The following AGBL4 variants were observed in gnomAD, a reference collection of about 807,000 sequenced individuals.
AGBL4 encodes cytosolic carboxypeptidase 6.
AGBL4 carries 58 observed loss-of-function variants against 66.4 expected under a neutral mutation model. The observed-to-expected ratio is 0.87, with a 90% CI of 0.71 to 1.09. The LOEUF (loss-of-function observed/expected upper bound fraction) is 1.09, where lower values mean the gene tolerates loss of function less well. Among genes scored for constraint, AGBL4 ranks in the 50% least tolerant of loss-of-function variants. The pLI, the probability that AGBL4 is intolerant of heterozygous loss-of-function variation, is 0.00. For synonymous variants in AGBL4, 234 were observed against 222.9 expected, an observed-to-expected ratio of 1.05 and a Z score of -0.44; for missense variants, 579 against 631.0, an observed-to-expected ratio of 0.92 and a Z score of 0.88.
At chr1:49,434,023 GA>G (rs1454417050) in intron 3 of AGBL4, among the ~76,000 whole-genome samples, 1 of 152,174 alleles carries the variant, frequency 6.6e-6, no homozygotes, top group African/African-American at 2.4e-5. Flanking sequence ...CCTATTGTGT[GA>G]GGATCGTGCT....
chr1:49,963,151 A>G (rs1369183883), intron 1 of AGBL4, among the ~76,000 whole-genome samples: 1 of 152,198 alleles, frequency 6.6e-6, no homozygotes, highest in Non-Finnish European at 1.5e-5. Context: ...TATAACAAGT[A>G]ACAAAAATAA....
At chr1:49,159,960 T>C (rs1163089891) in intron 4 of AGBL4, among the ~76,000 whole-genome samples, 1 of 152,176 alleles carries the variant, frequency 6.6e-6, no homozygotes, top group Non-Finnish European at 1.5e-5. Context: ...GTTTGCAATT[T>C]GTCTAACCTC....
intron 3 of AGBL4, among the ~76,000 whole-genome samples, chr1:49,323,736 T>C (rs1156709273): frequency 6.7e-6 from 1 of 148,716 alleles, no homozygotes; most frequent in East Asian, 2.0e-4. Context: ...ACCACTGCAC[T>C]CCAGCCTGGG....
At chr1:48,716,287 C>G (rs1460359518) in intron 6 of AGBL4, among the ~76,000 whole-genome samples, 1 of 152,072 alleles carries the variant, frequency 6.6e-6, no homozygotes, top group Admixed American at 6.5e-5. Flanking sequence ...CTCTGACTTC[C>G]CAGTCCATGA....
intron 5 of AGBL4, among the ~76,000 whole-genome samples, chr1:48,989,054 C>T (rs1204328127): frequency 1.3e-5 from 2 of 152,118 alleles, no homozygotes; most frequent in African/African-American, 4.8e-5. Flanking sequence ...GGTAGAGGCT[C>T]AGAGAACAGC....
At chr1:48,620,524 A>G (rs1222619056) in intron 9 of AGBL4, among the ~76,000 whole-genome samples, 3 of 152,022 alleles carry the variant, frequency 2.0e-5, no homozygotes, top group African/African-American at 4.8e-5. Context: ...GGGTCTCCCA[A>G]AGTGCTGGGA....
chr1:49,514,065 A>G (rs928377860), intron 3 of AGBL4, among the ~76,000 whole-genome samples: 1 of 151,868 alleles, frequency 6.6e-6, no homozygotes, highest in Non-Finnish European at 1.5e-5. Context: ...TTGTACATTG[A>G]TTTTGTATCC....
At chr1:48,539,605 A>C (rs1484996850) in intron 12 of AGBL4, 37 bp downstream of exon 12, 20 of 1,477,474 alleles carry the variant, frequency 1.4e-5, no homozygotes, top group Non-Finnish European at 1.7e-5. Context: ...CCCGTGGAGC[A>C]GAACTCAAGC....
chr1:49,376,575 C>T (rs1373919737), intron 3 of AGBL4, among the ~76,000 whole-genome samples: 1 of 152,038 alleles, frequency 6.6e-6, no homozygotes, highest in Middle Eastern at 3.2e-3. Context: ...TCCTTCATCC[C>T]TGATGATTCT....
At chr1:49,576,632 T>G (rs1200898869) in intron 3 of AGBL4, among the ~76,000 whole-genome samples, 1 of 152,218 alleles carries the variant, frequency 6.6e-6, no homozygotes, top group South Asian at 2.1e-4. Flanking sequence ...AAGTGGGTCA[T>G]GCACAGCAGC....
intron 1 of AGBL4, among the ~76,000 whole-genome samples, chr1:49,901,365 T>C (rs1426316641): frequency 4.6e-5 from 7 of 152,224 alleles, no homozygotes; most frequent in African/African-American, 1.7e-4. Flanking sequence ...AAAAACAATA[T>C]ACAAAAATCA....
chr1:49,860,416 G>A (rs1371510116), intron 1 of AGBL4, among the ~76,000 whole-genome samples: 1 of 152,238 alleles, frequency 6.6e-6, no homozygotes, highest in Non-Finnish European at 1.5e-5. Context: ...ATCCACATGA[G>A]TCTGGGCTCA....
intron 6 of AGBL4, among the ~76,000 whole-genome samples, chr1:48,762,115 A>G (rs1644285120): frequency 6.6e-6 from 1 of 152,184 alleles, no homozygotes; most frequent in Admixed American, 6.5e-5. Flanking sequence ...ACATGAGGAA[A>G]TTCAAACCCA....
chr1:49,066,339 G>A (rs888837985), intron 4 of AGBL4, among the ~76,000 whole-genome samples: 5 of 152,200 alleles, frequency 3.3e-5, no homozygotes, highest in African/African-American at 1.2e-4. Context: ...AGATCATGAG[G>A]TCAGGAGATC....
At chr1:49,119,802 G>A (rs996250553) in intron 4 of AGBL4, among the ~76,000 whole-genome samples, 1 of 152,156 alleles carries the variant, frequency 6.6e-6, no homozygotes, top group African/African-American at 2.4e-5. Context: ...CACTATTACT[G>A]TGTAGGAGTC....
chr1:48,543,412 ATCC>A (rs1644107577), intron 11 of AGBL4, among the ~76,000 whole-genome samples: 1 of 151,772 alleles, frequency 6.6e-6, no homozygotes, highest in African/African-American at 2.4e-5. Flanking sequence ...CCATCCATCC[ATCC>A]ATCCATCCAT....
chr1:48,539,281 G>C (rs1338667787), intron 12 of AGBL4, among the ~76,000 whole-genome samples: 2 of 152,164 alleles, frequency 1.3e-5, no homozygotes, highest in African/African-American at 4.8e-5. Context: ...GGAAACCGAA[G>C]GATCAGAGAA....
Position 48,634,484 on chromosome 1 carries a change from G to A in AGBL4, c.951+9C>T, listed in dbSNP as rs375889126. The A allele has an allele frequency of 1.4e-5, 22 of 1,582,528 alleles. No individual in the cohort carries two copies. Among genetic ancestry groups the A allele is most frequent in the Middle Eastern group, 1.7e-4 (1 of 6,028 alleles). On this transcript the variant is annotated intron_variant, in intron 9 of 13. Transcript: ENST00000371839. ...GATCAGCAGCTGTGGAGGGCATTCA[G>A]TTACTTACTGGGTCGTTGTACATCT...
At chr1:48,668,373 C>T (rs1019832332) in intron 6 of AGBL4, among the ~76,000 whole-genome samples, 1 of 152,158 alleles carries the variant, frequency 6.6e-6, no homozygotes, top group Admixed American at 6.5e-5. Context: ...ACTTCCTCTG[C>T]ATAAAACCCT....
Sources: gnomAD v4.1 joint callset for allele counts (sites outside exome capture counted in the v4.1 genomes callset) on GRCh38, gnomAD v4.1.1 for gene constraint, MANE v1.5 for transcripts, NCBI Gene and HGNC (gene_info 2026-07-23, HGNC 2026-07-21) for gene names.